Variants in RMND5A observed in about 807,000 individuals in gnomAD.
RMND5A encodes E3 ubiquitin-protein transferase RMND5A.
RMND5A carries 17 observed loss-of-function variants against 49.7 expected under a neutral mutation model. The observed-to-expected ratio is 0.34, with a 90% CI of 0.23 to 0.51. The LOEUF (loss-of-function observed/expected upper bound fraction) is 0.51, where lower values mean the gene tolerates loss of function less well. Ranked by LOEUF, RMND5A falls within the 20% of genes least tolerant of loss-of-function variation. RMND5A has a pLI of 0.96. For synonymous variants in RMND5A, 156 were observed against 167.7 expected (o/e 0.93, Z 0.54); for missense variants, 255 against 471.3 (o/e 0.54, Z 4.25).
Position 86,778,011 on chromosome 2 carries a change from A to T in RMND5A, c.*4600A>T, listed in dbSNP as rs1380446954. On this transcript the variant is annotated 3_prime_UTR_variant, in exon 9 of 9. Transcript: ENST00000283632. ...CATGGCTTTTCCTGTGTATATTTTT[A>T]AAAATTAAAGAAATGCACATTTAAA... 1.3e-5 allele frequency: 2 copies of T among 152,184 alleles called. No homozygotes were observed. Among genetic ancestry groups the T allele is most frequent in the Non-Finnish European group, 2.9e-5 (2 of 68,032 alleles). The allele number at this position is 152,184 out of a possible 1,614,324, so 9.4% of individuals were successfully genotyped here. A position where few individuals can be genotyped will look rare whatever the true frequency, so the allele number is the denominator to read the frequency against.
intron 5 of RMND5A, 34 bp from the exon 6 acceptor site, chr2:86,765,825 C>T: frequency 6.3e-7 from 1 of 1,599,624 alleles, no homozygotes; most frequent in Non-Finnish European, 8.5e-7. Context: ...TTACTGCAAG[C>T]AAACTAATGC....
At chr2:86,760,195 C>T (rs1272111019) in intron 4 of RMND5A, among the ~76,000 whole-genome samples, 1 of 152,130 alleles carries the variant, frequency 6.6e-6, no homozygotes, top group Non-Finnish European at 1.5e-5. Flanking sequence ...CAGGCATGCG[C>T]CACCACACCC....
At chr2:86,725,244 A>G (rs2104382623) in intron 1 of RMND5A, among the ~76,000 whole-genome samples, 1 of 144,716 alleles carries the variant, frequency 6.9e-6, no homozygotes, top group African/African-American at 2.6e-5. Flanking sequence ...TCAAACAATG[A>G]AAAAGATAAC....
chr2:86,760,963 GAA>G (rs1432940404), intron 4 of RMND5A, among the ~76,000 whole-genome samples: 37 of 121,368 alleles, frequency 3.0e-4, no homozygotes, highest in African/African-American at 1.2e-3. Flanking sequence ...TTGAGAGAGA[GAA>G]GTGTGTGTGT....
intron 3 of RMND5A, among the ~76,000 whole-genome samples, chr2:86,752,707 T>A (rs917205408): frequency 3.3e-5 from 5 of 152,346 alleles, no homozygotes; most frequent in East Asian, 3.9e-4. Context: ...GAACTGGGAT[T>A]CAGTCCCTGA....
At chr2:86,734,111 CA>C (rs1380162374) in intron 1 of RMND5A, among the ~76,000 whole-genome samples, 5 of 140,400 alleles carry the variant, frequency 3.6e-5, no homozygotes, top group Non-Finnish European at 7.5e-5. Context: ...TCTCTCTTAA[CA>C]GGGCTTTCCC....
chr2:86,770,499 C>T (rs1319536756), intron 7 of RMND5A, among the ~76,000 whole-genome samples: 8 of 152,102 alleles, frequency 5.3e-5, no homozygotes, highest in African/African-American at 1.9e-4. Context: ...CTATTGCTGT[C>T]GATAAGATCA....
Position 86,740,984 on chromosome 2 carries a change from G to T in RMND5A, c.200G>T (p.Arg67Ile). The change falls in exon 2 of 9, where the codon AGA becomes ATA. Residue 67 changes from arginine to isoleucine, a missense_variant. Arg to Ile is a moderately conservative substitution (Grantham distance 97). Coordinates refer to ENST00000283632, the MANE Select transcript of RMND5A (RefSeq NM_022780.4). The part of the protein sequence containing the change: ...LSLVLTQCCK[R>I]IKDTVQKLAS... ...CTTGTTTTGACACAGTGCTGTAAAA[G>T]AATAAAGGATACTGTTCAAAAATTG... The T allele has an allele frequency of 6.2e-7, 1 of 1,614,050 alleles. No homozygotes were observed. Among genetic ancestry groups the T allele is most frequent in the South Asian group, 1.1e-5 (1 of 91,084 alleles).
At position 86,737,574 on chromosome 2, in the gene RMND5A, C is replaced by CATAT. The variant is rs70958904; in HGVS notation, c.143-3336_143-3333dup. On this transcript the variant is annotated intron_variant, in intron 1 of 8. Transcript: ENST00000283632. ...TCATATAGTCCCATGCATTAAGTATCATATATATATATATATATATGTCAG... is the reference window on the plus strand; with the variant it reads ...TCATATAGTCCCATGCATTAAGTATCATATATATATATATATATATATATGTCAG... Among the ~76,000 whole-genome samples the CATAT allele has an allele frequency of 9.2e-5, 10 of 108,138 alleles. No individual in the cohort carries two copies. The East Asian group carries it at 2.4e-3, about 26-fold the overall frequency. The allele number at this position is 108,138 out of a possible 152,430, so 70.9% of individuals were successfully genotyped here.
intron 4 of RMND5A, among the ~76,000 whole-genome samples, chr2:86,756,236 T>A (rs1001428979): frequency 2.0e-5 from 3 of 151,722 alleles, no homozygotes; most frequent in African/African-American, 7.3e-5. Context: ...TACAAAAAAA[T>A]AGAAAAATTA....
chr2:86,753,582 T>C (rs748139892), intron 4 of RMND5A, 24 bp downstream of exon 4: 4 of 1,223,998 alleles, frequency 3.3e-6, no homozygotes, highest in African/African-American at 3.0e-5. Flanking sequence ...TTGCTTTCTT[T>C]TGAGTACTTT....
chr2:86,736,360 TC>T (rs1200506366), intron 1 of RMND5A, among the ~76,000 whole-genome samples: 1 of 116,324 alleles, frequency 8.6e-6, no homozygotes, highest in Admixed American at 9.3e-5. Context: ...ATTTTTGTAT[TC>T]TTTGTAGGGA....
At chr2:86,748,139 T>C (rs1376645747) in intron 2 of RMND5A, 1 of 152,246 alleles carries the variant, frequency 6.6e-6, no homozygotes, top group Non-Finnish European at 1.5e-5. Context: ...CTGTGGATTT[T>C]CTGGACAGCC....
chr2:86,721,183 C>T (rs1197966589), intron 1 of RMND5A: 5 of 224,928 alleles, frequency 2.2e-5, no homozygotes, highest in South Asian at 1.9e-4. Flanking sequence ...GCCCGCGGCG[C>T]TGTTCTGTGG....
At position 86,770,205 on chromosome 2, in the gene RMND5A, T is replaced by G. The variant is rs547501573; in HGVS notation, c.957+80T>G. On this transcript the variant is annotated intron_variant, in intron 7 of 8. Transcript: ENST00000283632. ...CATCTTTAAATGTTCATCTTACCTT[T>G]TAACCAGGAAACATTGTAGCCATTT... 54 of 1,011,486 alleles carry G rather than the reference T, an allele frequency of 5.3e-5. No individual in the cohort carries two copies. The South Asian group carries it at 6.7e-4, about 13-fold the overall frequency. The allele number at this position is 1,011,486 out of a possible 1,614,324, so 62.7% of individuals were successfully genotyped here. A position where few individuals can be genotyped will look rare whatever the true frequency, so the allele number is the denominator to read the frequency against.
chr2:86,754,178 C>T (rs531657387), intron 4 of RMND5A, among the ~76,000 whole-genome samples: 4 of 152,266 alleles, frequency 2.6e-5, no homozygotes, highest in South Asian at 2.1e-4. Context: ...AGGTCTCTGT[C>T]GCATATTCTT....
At position 86,720,466 on chromosome 2, in the gene RMND5A, G is replaced by A. The variant is rs1206723021; in HGVS notation, c.-202G>A. 3.0e-5 allele frequency: 7 copies of A among 230,992 alleles called. 1 individual carries two copies. The East Asian group carries it at 7.9e-4, about 26-fold the overall frequency. The allele number at this position is 230,992 out of a possible 1,614,324, so 14.3% of individuals were successfully genotyped here. On this transcript the variant is annotated 5_prime_UTR_variant, in exon 1 of 9. Transcript: ENST00000283632. ...CGGGAGCAGCGGCGACTCGCCGGGG[G>A]GCTAGGGCGCCATGGGGCAGGCGGG...
intron 6 of RMND5A, 107 bp from the exon 7 acceptor site, chr2:86,769,916 A>G (rs1312533756): frequency 2.7e-6 from 2 of 738,514 alleles, no homozygotes; most frequent in African/African-American, 3.5e-5. Context: ...CACCCTGTCC[A>G]GTGGCCAGGG....
At chr2:86,734,524 G>A (rs1681383553) in intron 1 of RMND5A, among the ~76,000 whole-genome samples, 1 of 137,788 alleles carries the variant, frequency 7.3e-6, no homozygotes, top group Non-Finnish European at 1.5e-5. Flanking sequence ...GCGCAATCTC[G>A]GCTTACTGCA....
Sources: allele counts gnomAD v4.1 joint callset (sites outside exome capture counted in the v4.1 genomes callset), GRCh38; gene constraint gnomAD v4.1.1; transcripts MANE v1.5; gene names NCBI Gene and HGNC (gene_info 2026-07-23, HGNC 2026-07-21).